SGCE: variants seen among roughly 807,000 people sequenced by gnomAD.
SGCE encodes sarcoglycan epsilon.
SGCE carries 26 observed loss-of-function variants against 57.8 expected under a neutral mutation model. The ratio of observed to expected loss-of-function variants is 0.45; its 90% confidence interval spans 0.33 to 0.62. The LOEUF (loss-of-function observed/expected upper bound fraction) is 0.62. SGCE is among the 20% of genes least tolerant of loss of function. SGCE has a pLI of 0.02. For synonymous variants in SGCE, 183 were observed against 189.5 expected (o/e 0.97, Z 0.28); for missense variants, 468 against 548.6 (o/e 0.85, Z 1.47).
chr7:94,630,705 C>T (rs1020071422), intron 1 of SGCE, among the ~76,000 whole-genome samples: 2 of 151,860 alleles, frequency 1.3e-5, no homozygotes, highest in South Asian at 4.1e-4. Context: ...GTCACTTCTA[C>T]GATCTCTTTT....
intron 9 of SGCE, chr7:94,597,122 C>A (rs1422543449): frequency 3.3e-5 from 5 of 151,988 alleles, no homozygotes; most frequent in African/African-American, 1.2e-4. Context: ...GAAACCCATC[C>A]GTTGCATTCA....
intron 7 of SGCE, chr7:94,600,420 A>G (rs1799027263): frequency 4.0e-6 from 2 of 496,860 alleles, no homozygotes; most frequent in Non-Finnish European, 7.2e-6. Context: ...ATTTACATCT[A>G]GCCTTAATAA....
chr7:94,640,650 T>C (rs1318016229), intron 1 of SGCE, among the ~76,000 whole-genome samples: 1 of 152,110 alleles, frequency 6.6e-6, no homozygotes, highest in Non-Finnish European at 1.5e-5. Context: ...TGTTTGTTTT[T>C]TGTTTTTGTT....
In SGCE at chr7:94,588,751, T is replaced by C; in HGVS notation, c.1254-19A>G. On this transcript the variant is annotated intron_variant, in intron 9 of 10. Transcript: ENST00000648936. ...CAAGTTCCTAGAAATGATGAACATTTTTGAGTAAAACTGTTTGTTTACACA... is the reference window on the plus strand; with the variant it reads ...CAAGTTCCTAGAAATGATGAACATTCTTGAGTAAAACTGTTTGTTTACACA... 6.2e-7 allele frequency: 1 copy of C among 1,613,528 alleles called. No homozygotes were observed. Among genetic ancestry groups the C allele is most frequent in the Non-Finnish European group, 8.5e-7 (1 of 1,179,638 alleles).
At position 94,655,970 on chromosome 7, in the gene SGCE, G is replaced by C; in HGVS notation, c.109+20C>G. ...GGCCTGTTGGCCCCGGGACCTCCAC[G>C]TCGCGCGCAGGCCACTAACCTGTCA... On this transcript the variant is annotated intron_variant, in intron 1 of 10. Transcript: ENST00000648936. 1 of 1,523,198 alleles carries C rather than the reference G, an allele frequency of 6.6e-7. No individual in the cohort carries two copies. 94.4% of individuals were successfully genotyped at this position (1,523,198 alleles called of 1,614,324 possible).
intron 5 of SGCE, among the ~76,000 whole-genome samples, chr7:94,606,210 C>A (rs980917872): frequency 8.5e-5 from 13 of 152,088 alleles, no homozygotes; most frequent in Non-Finnish European, 1.5e-4. Flanking sequence ...AAAACAAGAT[C>A]CAACTATACT....
intron 9 of SGCE, chr7:94,590,797 A>G (rs532234852): frequency 6.6e-6 from 1 of 152,296 alleles, no homozygotes; most frequent in African/African-American, 2.4e-5. Context: ...ATTCTAAGAA[A>G]TCTGTAAAAA....
intron 10 of SGCE, chr7:94,587,381 C>T (rs988412390): frequency 1.9e-6 from 2 of 1,079,944 alleles, no homozygotes; most frequent in African/African-American, 3.3e-5. Flanking sequence ...TAGAAATTGC[C>T]TGCTTCCTAC....
intron 1 of SGCE, among the ~76,000 whole-genome samples, chr7:94,642,794 C>A (rs1806579046): frequency 6.6e-6 from 1 of 152,176 alleles, no homozygotes; most frequent in Non-Finnish European, 1.5e-5. Context: ...TTCCAAAGAA[C>A]AATGTATTTG....
intron 9 of SGCE, among the ~76,000 whole-genome samples, chr7:94,591,403 A>G (rs1299733203): frequency 6.6e-6 from 1 of 152,170 alleles, no homozygotes; most frequent in Non-Finnish European, 1.5e-5. Context: ...ACACACAAGC[A>G]CTTCCTCATT....
At position 94,655,693 on chromosome 7, in the gene SGCE, G is replaced by A. The variant is rs532967842; in HGVS notation, c.109+297C>T. 2.6e-5 allele frequency among the ~76,000 whole-genome samples: 4 copies of A among 152,234 alleles called. No homozygotes were observed. The East Asian group carries it at 5.8e-4, about 22-fold the overall frequency. ...GGAGAGGACTACCCTGGGGCTGGGC[G>A]GGGAGGGGGATGTTGGGAACAGGAA... On this transcript the variant is annotated intron_variant, in intron 1 of 10. Transcript: ENST00000648936.
At chr7:94,586,856 T>TA (rs1048799608) in intron 10 of SGCE, 154 of 976,264 alleles carry the variant, frequency 1.6e-4, no homozygotes, top group African/African-American at 1.2e-3. Flanking sequence ...TGCATAATTA[T>TA]AAAAAAAAAT....
chr7:94,603,168 A>T (rs1799542433), intron 6 of SGCE, 122 bp downstream of exon 6: 2 of 709,526 alleles, frequency 2.8e-6, no homozygotes, highest in South Asian at 3.5e-5. Context: ...ATCTCAAGGG[A>T]AGTCAACTGC....
intron 5 of SGCE, among the ~76,000 whole-genome samples, chr7:94,606,698 A>T (rs180833495): frequency 1.1e-3 from 171 of 152,308 alleles, no homozygotes; most frequent in Non-Finnish European, 1.9e-3. Flanking sequence ...CACATGAAAC[A>T]TTTAGCAACA....
chr7:94,598,810 A>C lies in SGCE; in HGVS notation c.1218T>G (p.Tyr406Ter). 6.2e-7 allele frequency: 1 copy of C among 1,613,566 alleles called. No individual in the cohort carries two copies. The highest frequency in any genetic ancestry group is 1.3e-5 in the African/African-American group (1 of 75,018). ...EIIPPLHTDN[Y>*]DSTNMPLMQT... is the part of the protein sequence containing the mutation. ...GCATCAATGGCATGTTTGTGCTATC[A>C]TAGTTGTCTGTGTGTAAAGGAGGTA... The change falls in exon 9 of 11, where the codon TAT becomes TAG. Residue 406 changes from tyrosine (Y) to a stop codon, truncating the protein, a stop_gained. Transcript: ENST00000648936. LOFTEE classifies it high-confidence loss of function.
intron 5 of SGCE, among the ~76,000 whole-genome samples, chr7:94,614,961 G>T (rs1801655854): frequency 6.6e-6 from 1 of 152,032 alleles, no homozygotes; most frequent in South Asian, 2.1e-4. Flanking sequence ...ATTGATACAG[G>T]TTTCCAATTT....
At chr7:94,601,273 C>T (rs184750447) in intron 6 of SGCE, among the ~76,000 whole-genome samples, 2 of 150,374 alleles carry the variant, frequency 1.3e-5, no homozygotes, top group Admixed American at 6.6e-5. Flanking sequence ...CAGGTATGCA[C>T]GTATGGTTTC....
Position 94,638,903 on chromosome 7 carries a change from G to A in SGCE, c.110-9062C>T, listed in dbSNP as rs191274642. ...TAGCAAAACATATCAATTTGGTTTT[G>A]CAACAAGAATCATCCAAAATTAACC... On this transcript the variant is annotated intron_variant, in intron 1 of 10. Coordinates refer to ENST00000648936, the MANE Select transcript of SGCE (RefSeq NM_003919.3). Among the ~76,000 whole-genome samples, 1,068 of 152,206 alleles carry A rather than the reference G, an allele frequency of 7.0e-3. 7 individuals are homozygous for A. The highest frequency in any genetic ancestry group is 0.014 in the Middle Eastern group (4 of 294).
At chr7:94,655,804 GGA>G (rs748623549) in intron 1 of SGCE, among the ~76,000 whole-genome samples, 184 bp downstream of exon 1, 2 of 151,820 alleles carry the variant, frequency 1.3e-5, no homozygotes, top group African/African-American at 2.4e-5. Context: ...TCAAGCCTGG[GGA>G]GAGAGAAGCT....
Sources: gnomAD v4.1 joint callset for allele counts (sites outside exome capture counted in the v4.1 genomes callset) on GRCh38, gnomAD v4.1.1 for gene constraint, MANE v1.5 for transcripts, NCBI Gene and HGNC (gene_info 2026-07-23, HGNC 2026-07-21) for gene names.